Variants in LYPD6B observed in about 807,000 individuals in gnomAD.
LYPD6B encodes LY6/PLAUR domain containing 6B.
A neutral mutation model predicts 22.8 loss-of-function variants in LYPD6B; 17 were observed. The observed-to-expected ratio is 0.75, with a 90% confidence interval of 0.51 to 1.12. LYPD6B has a LOEUF of 1.12. Ranked by LOEUF, LYPD6B falls within the 50% of genes most tolerant of loss-of-function variation. The pLI is 0.00. For missense variants in LYPD6B, 221 were observed against 258.3 expected, an observed-to-expected ratio of 0.86 and a Z score of 0.99; for synonymous variants, 106 against 91.6, an observed-to-expected ratio of 1.16 and a Z score of -0.90.
intron 1 of LYPD6B, among the ~76,000 whole-genome samples, chr2:149,088,190 G>A (rs1050800342): frequency 1.3e-4 from 19 of 150,680 alleles, no homozygotes; most frequent in African/African-American, 4.4e-4. Context: ...TCTCTGTGAT[G>A]GTGAGTGGCT....
intron 3 of LYPD6B, among the ~76,000 whole-genome samples, chr2:149,180,049 T>C (rs115803375): frequency 2.7e-4 from 41 of 152,354 alleles, no homozygotes; most frequent in Non-Finnish European, 4.3e-4. Flanking sequence ...ACTGGGTTTG[T>C]GTTTGCCTAA....
At chr2:149,168,646 T>C (rs1014606785) in intron 3 of LYPD6B, among the ~76,000 whole-genome samples, 2 of 152,192 alleles carry the variant, frequency 1.3e-5, no homozygotes, top group East Asian at 3.8e-4. Flanking sequence ...ATGTAGGTCT[T>C]GCTAGAACAA....
chr2:149,151,167 T>C (rs1279703420), intron 2 of LYPD6B, among the ~76,000 whole-genome samples: 4 of 152,112 alleles, frequency 2.6e-5, no homozygotes, highest in Admixed American at 2.6e-4. Context: ...GAAAGTTCAG[T>C]ATGAATGGGT....
At chr2:149,205,979 T>A in intron 4 of LYPD6B, 1 of 465,472 alleles carries the variant, frequency 2.1e-6, no homozygotes, top group South Asian at 1.6e-5. Context: ...TCTAGATATG[T>A]GTTTGTATAC....
At chr2:149,097,620 C>T (rs531974183) in intron 1 of LYPD6B, among the ~76,000 whole-genome samples, 15 of 152,296 alleles carry the variant, frequency 9.8e-5, no homozygotes, top group Non-Finnish European at 1.9e-4. Context: ...GCCTGTAACA[C>T]GTTCCTCTGG....
rs770703554 is a variant in LYPD6B at position 149,189,342 on chromosome 2, TTATATATA to T, written c.78-15892_78-15885del. On this transcript the variant is annotated intron_variant, in intron 3 of 6. Transcript: ENST00000409642. ...AACAATTTTTTTGATTTGTCCAAAA[TTATATATA>T]TATATATATATATATATACACACAC... 9.1e-5 allele frequency among the ~76,000 whole-genome samples: 6 copies of T among 66,104 alleles called. 1 individual carries two copies. The highest frequency in any genetic ancestry group is 3.1e-4 in the African/African-American group (5 of 16,340). The allele number at this position is 66,104 out of a possible 152,430, so 43.4% of individuals were successfully genotyped here. A position where few individuals can be genotyped will look rare whatever the true frequency, so the allele number is the denominator to read the frequency against.
chr2:149,066,659 A>C (rs1002377061), intron 1 of LYPD6B, among the ~76,000 whole-genome samples: 1 of 151,956 alleles, frequency 6.6e-6, no homozygotes, highest in Non-Finnish European at 1.5e-5. Flanking sequence ...AAATTTAATA[A>C]ATATTTTTGA....
chr2:149,124,780 C>T (rs1290281548), intron 1 of LYPD6B, among the ~76,000 whole-genome samples: 2 of 152,148 alleles, frequency 1.3e-5, no homozygotes, highest in African/African-American at 4.8e-5. Flanking sequence ...TAAAAAGGAG[C>T]CCGAATTCTA....
rs371929001 is a variant in LYPD6B, at chr2:149,046,503, G to T, written c.-67+7702G>T. ...TTTTCTTGTTTCTTGAGCTTTTTTTGTTGTTGTTGTTGTTTATTTTGTTTT... is the reference window on the plus strand; with the variant it reads ...TTTTCTTGTTTCTTGAGCTTTTTTTTTTGTTGTTGTTGTTTATTTTGTTTT... On this transcript the variant is annotated intron_variant, in intron 1 of 6. Transcript: ENST00000409642. 2.8e-3 allele frequency among the ~76,000 whole-genome samples: 425 copies of T among 150,648 alleles called. 1 individual carries two copies. The highest frequency in any genetic ancestry group is 0.013 in the East Asian group (66 of 5,118).
chr2:149,153,068 A>G (rs758955710), intron 2 of LYPD6B, among the ~76,000 whole-genome samples: 1 of 152,210 alleles, frequency 6.6e-6, no homozygotes, highest in Non-Finnish European at 1.5e-5. Context: ...GTTAAATTTT[A>G]AAAGGAGGAA....
chr2:149,183,847 ATGTG>A (rs781704283), intron 3 of LYPD6B, among the ~76,000 whole-genome samples: 21 of 140,050 alleles, frequency 1.5e-4, no homozygotes, highest in African/African-American at 4.7e-4. Flanking sequence ...GTGTATGTGT[ATGTG>A]TGTGTGTGTG....
chr2:149,195,629 T>G (rs990442463), intron 3 of LYPD6B, among the ~76,000 whole-genome samples: 1 of 151,932 alleles, frequency 6.6e-6, no homozygotes, highest in Non-Finnish European at 1.5e-5. Context: ...CAGATAATCA[T>G]AGAATTTGAG....
intron 2 of LYPD6B, among the ~76,000 whole-genome samples, chr2:149,140,969 A>C (rs537700350): frequency 6.6e-6 from 1 of 152,354 alleles, no homozygotes; most frequent in East Asian, 1.9e-4. Context: ...ATAGAGGCAC[A>C]TATTTATTTG....
At chr2:149,101,181 C>G (rs1372652282) in intron 1 of LYPD6B, 1 of 152,262 alleles carries the variant, frequency 6.6e-6, no homozygotes, top group African/African-American at 2.4e-5. Context: ...TGAAGGGAAC[C>G]TAGCCATCTC....
At chr2:149,131,278 G>A (rs182243210) in intron 2 of LYPD6B, 34 of 260,000 alleles carry the variant, frequency 1.3e-4, no homozygotes, top group African/African-American at 2.3e-4. Context: ...GTTCCTTAAG[G>A]TTGCCAGCAT....
At chr2:149,050,013 A>G (rs1180049140) in intron 1 of LYPD6B, among the ~76,000 whole-genome samples, 1 of 152,192 alleles carries the variant, frequency 6.6e-6, no homozygotes, top group African/African-American at 2.4e-5. Flanking sequence ...GAGGATAGGC[A>G]AAGTACACAG....
intron 3 of LYPD6B, among the ~76,000 whole-genome samples, chr2:149,170,184 A>G (rs1342001107): frequency 2.0e-5 from 3 of 152,238 alleles, no homozygotes; most frequent in Non-Finnish European, 4.4e-5. Flanking sequence ...AGATACAGCT[A>G]TGAAAATGGA....
chr2:149,135,695 G>A (rs1238921176), intron 2 of LYPD6B, among the ~76,000 whole-genome samples: 4 of 140,186 alleles, frequency 2.9e-5, no homozygotes. Flanking sequence ...ACTCCAGCCT[G>A]GGCAACAGAG....
chr2:149,059,708 C>A, intron 1 of LYPD6B, among the ~76,000 whole-genome samples: 1 of 152,144 alleles, frequency 6.6e-6, no homozygotes, highest in Non-Finnish European at 1.5e-5. Flanking sequence ...ATGAACAGGT[C>A]TTAGGCCATG....
Sources: gnomAD v4.1 joint callset for allele counts (sites outside exome capture counted in the v4.1 genomes callset) on GRCh38, gnomAD v4.1.1 for gene constraint, MANE v1.5 for transcripts, NCBI Gene and HGNC (gene_info 2026-07-23, HGNC 2026-07-21) for gene names.